The following FBXO34 variants were observed in gnomAD, a reference collection of about 807,000 sequenced individuals.
The protein encoded by FBXO34 is F-box protein 34.
FBXO34 carries 12 observed loss-of-function variants against 24.5 expected under a neutral mutation model. The observed-to-expected ratio is 0.49, with a 90% CI of 0.31 to 0.79. The LOEUF (loss-of-function observed/expected upper bound fraction) is 0.79, where lower values mean the gene tolerates loss of function less well. Ranked by LOEUF, FBXO34 falls within the 30% of genes least tolerant of loss-of-function variation. The pLI is 0.04. For synonymous variants in FBXO34, 320 were observed against 311.9 expected, an observed-to-expected ratio of 1.03 and a Z score of -0.27; for missense variants, 823 against 857.7, an observed-to-expected ratio of 0.96 and a Z score of 0.51.
At chr14:55,369,945 G>T (rs1378730194), downstream of FBXO34, 3 of 1,570,894 alleles carry the variant, frequency 1.9e-6, no homozygotes, top group South Asian at 2.3e-5. Flanking sequence ...GACAATGAGG[G>T]TCTCTTTAGG....
intron 1 of FBXO34, among the ~76,000 whole-genome samples, chr14:55,349,161 A>G (rs1405727181): frequency 6.6e-6 from 1 of 151,856 alleles, no homozygotes; most frequent in African/African-American, 2.4e-5. Context: ...TAAATTGTAC[A>G]TTGACAAGTT....
the FBXO34 span, among the ~76,000 whole-genome samples, chr14:55,384,794 T>G: frequency 6.6e-6 from 1 of 152,140 alleles, no homozygotes; most frequent in East Asian, 1.9e-4. Context: ...AATCCTCAAT[T>G]AGAGCAGCCT....
At chr14:55,374,655 A>T (rs1421520667), downstream of FBXO34, among the ~76,000 whole-genome samples, 1 of 151,946 alleles carries the variant, frequency 6.6e-6, no homozygotes, top group Non-Finnish European at 1.5e-5. Flanking sequence ...TTATAGCTGT[A>T]TTTTTTTAAA....
chr14:55,285,885 GATTTT>G (rs1881744852), intron 1 of FBXO34, among the ~76,000 whole-genome samples: 1 of 152,278 alleles, frequency 6.6e-6, no homozygotes, highest in African/African-American at 2.4e-5. Flanking sequence ...AAAGTGTTAA[GATTTT>G]GGACTCTTGC....
the FBXO34 span, among the ~76,000 whole-genome samples, chr14:55,375,180 AT>A: frequency 6.6e-6 from 1 of 152,212 alleles, no homozygotes; most frequent in Non-Finnish European, 1.5e-5. Flanking sequence ...AAGCTTCATA[AT>A]TTTTATAATC....
At chr14:55,308,835 GA>G (rs760491769) in intron 1 of FBXO34, among the ~76,000 whole-genome samples, 2 of 152,104 alleles carry the variant, frequency 1.3e-5, no homozygotes, top group Non-Finnish European at 2.9e-5. Context: ...GTGAATTTGA[GA>G]AAAAAGTTAC....
intron 1 of FBXO34, among the ~76,000 whole-genome samples, chr14:55,343,241 A>AT (rs377334751): frequency 0.052 from 6,764 of 130,852 alleles, 459 homozygotes; most frequent in African/African-American, 0.13. Flanking sequence ...TATTCCTCCG[A>AT]TTTTTTTTTT....
rs1884000941 is a variant in FBXO34, at chr14:55,341,722, T to TGGTA, written c.-10-8656_-10-8653dup. On this transcript the variant is annotated intron_variant, in intron 1 of 1. Transcript: ENST00000313833. ...TGTTCATTCTAGTGGCATTTACCAC[T>TGGTA]GGTAGGCTTTTCATTTGCCTGCTTA... Among the ~76,000 whole-genome samples, 2 of 152,234 alleles carry TGGTA rather than the reference T, an allele frequency of 1.3e-5. 1 individual carries two copies. The highest frequency in any genetic ancestry group is 4.1e-4 in the South Asian group (2 of 4,830).
chr14:55,433,980 G>A, the FBXO34 span, among the ~76,000 whole-genome samples: 1 of 152,168 alleles, frequency 6.6e-6, no homozygotes, highest in Non-Finnish European at 1.5e-5. Context: ...ATGATAGGAT[G>A]AACTTGTGTT....
intron 1 of FBXO34, among the ~76,000 whole-genome samples, chr14:55,280,287 A>G (rs998203668): frequency 3.3e-5 from 5 of 152,296 alleles, no homozygotes; most frequent in East Asian, 1.9e-4. Context: ...ATAGCCCTCT[A>G]TCTGTGGGTT....
chr14:55,338,911 CAAAAAAAAACAAAA>C (rs1454943967), intron 1 of FBXO34, among the ~76,000 whole-genome samples: 1 of 103,258 alleles, frequency 9.7e-6, no homozygotes, highest in Non-Finnish European at 2.1e-5. Flanking sequence ...ATCTCAAAAA[CAAAAAAAAACAAAA>C]AAAAAAAAGC....
the FBXO34 span, chr14:55,438,960 C>T: frequency 0.53 from 73,801 of 138,618 alleles, 19,725 homozygotes; most frequent in East Asian, 0.65. Flanking sequence ...TTTTTTGAGA[C>T]GGAGTCTCAC....
chr14:55,299,494 CAAAAA>C lies in FBXO34; in HGVS notation c.-11+27962_-11+27966del, dbSNP rs76397638. On this transcript the variant is annotated intron_variant, in intron 1 of 1. Transcript: ENST00000313833. ...GTAAAATAAACTGTGTTTGCAAATCCAAAAAAAAAGCAAATTCTAGATATGTCATA... is the reference window on the plus strand; with the variant it reads ...GTAAAATAAACTGTGTTTGCAAATCCAAAAGCAAATTCTAGATATGTCATA... Among the ~76,000 whole-genome samples, 5 of 148,852 alleles carry C rather than the reference CAAAAA, an allele frequency of 3.4e-5. No homozygotes were observed. The Admixed American group carries it at 3.4e-4, about 10-fold the overall frequency.
the FBXO34 span, among the ~76,000 whole-genome samples, chr14:55,442,721 A>ATTTT: frequency 2.9e-4 from 44 of 151,756 alleles, no homozygotes; most frequent in South Asian, 6.2e-4. Context: ...TAACCTACAC[A>ATTTT]TTTTTTTAGC....
At chr14:55,387,490 A>G in the FBXO34 span, among the ~76,000 whole-genome samples, 59,472 of 151,934 alleles carry the variant, frequency 0.39, 11,977 homozygotes, top group Non-Finnish European at 0.43. Context: ...TAATGTGTTC[A>G]GACTCTTCTG....
chr14:55,440,690 G>A, the FBXO34 span: 1 of 944,388 alleles, frequency 1.1e-6, no homozygotes, highest in South Asian at 1.8e-5. Context: ...AGATGGGCTA[G>A]GGGTGGGCCG....
chr14:55,378,764 T>G, the FBXO34 span, among the ~76,000 whole-genome samples: 1 of 152,128 alleles, frequency 6.6e-6, no homozygotes, highest in Non-Finnish European at 1.5e-5. Flanking sequence ...ACTGGCATGA[T>G]CATAGCTCAC....
At chr14:55,436,544 C>T in the FBXO34 span, 2 of 1,607,296 alleles carry the variant, frequency 1.2e-6, no homozygotes, top group Non-Finnish European at 1.7e-6. Flanking sequence ...TCAATTAAAA[C>T]AAAAATAAAA....
the FBXO34 span, chr14:55,411,764 C>T: frequency 8.4e-5 from 135 of 1,606,380 alleles, 2 homozygotes; most frequent in East Asian, 2.1e-3. Context: ...GGCGAGCGGC[C>T]GGGGCCCGCA....
Sources: gnomAD v4.1 joint callset for allele counts (sites outside exome capture counted in the v4.1 genomes callset) on GRCh38, gnomAD v4.1.1 for gene constraint, MANE v1.5 for transcripts, NCBI Gene and HGNC (gene_info 2026-07-23, HGNC 2026-07-21) for gene names.